Variants in SSH2 observed in about 807,000 individuals in gnomAD.
SSH2 encodes the protein slingshot protein phosphatase 2, also known as protein phosphatase Slingshot homolog 2.
SSH2 carries 37 observed loss-of-function variants against 135.2 expected under a neutral mutation model. That is an observed-to-expected ratio of 0.27 (90% CI 0.21 to 0.36). SSH2 has a LOEUF of 0.36. Ranked by LOEUF, SSH2 falls within the 10% of genes least tolerant of loss-of-function variation. The probability of loss-of-function intolerance (pLI) is 1.00; values close to 1 mark genes in which losing one functional copy is unlikely to be tolerated. For missense variants in SSH2, 1,408 were observed against 1,765.3 expected (o/e 0.80, Z 3.63); for synonymous variants, 628 against 646.2 (o/e 0.97, Z 0.43).
At chr17:29,846,902 G>C (rs1292905005) in intron 2 of SSH2, among the ~76,000 whole-genome samples, 2 of 152,120 alleles carry the variant, frequency 1.3e-5, no homozygotes, top group Admixed American at 6.5e-5. Context: ...ACCTAGTTTT[G>C]GTGACAGCTA....
At chr17:29,907,249 A>C (rs2066670879) in intron 1 of SSH2, among the ~76,000 whole-genome samples, 1 of 152,176 alleles carries the variant, frequency 6.6e-6, no homozygotes, top group South Asian at 2.1e-4. Context: ...TCTTCAGCAA[A>C]GTCACACAGG....
intron 3 of SSH2, among the ~76,000 whole-genome samples, chr17:29,707,320 G>A (rs576723856): frequency 7.9e-5 from 12 of 152,306 alleles, no homozygotes; most frequent in Non-Finnish European, 1.5e-4. Flanking sequence ...TAAGGGTTAA[G>A]GAGCTGGACA....
intron 11 of SSH2, among the ~76,000 whole-genome samples, chr17:29,662,925 G>C (rs1470742357): frequency 6.6e-6 from 1 of 152,194 alleles, no homozygotes; most frequent in African/African-American, 2.4e-5. Context: ...CAATATACTT[G>C]TTTGCCTGCT....
chr17:29,813,398 G>A (rs1351861595), intron 2 of SSH2, among the ~76,000 whole-genome samples: 2 of 151,754 alleles, frequency 1.3e-5, no homozygotes, highest in Non-Finnish European at 2.9e-5. Flanking sequence ...AAGACTAGAA[G>A]CAGATAATTC....
At chr17:29,880,158 A>G (rs566564777) in intron 1 of SSH2, among the ~76,000 whole-genome samples, 42 of 152,312 alleles carry the variant, frequency 2.8e-4, no homozygotes, top group Middle Eastern at 3.4e-3. Flanking sequence ...TCTGCTGAAC[A>G]GTATACAGGA....
intron 1 of SSH2, among the ~76,000 whole-genome samples, chr17:29,902,432 G>T (rs1180809316): frequency 6.6e-6 from 1 of 151,888 alleles, no homozygotes. Flanking sequence ...ACAGTGAAAT[G>T]ATCACTAGCA....
At chr17:29,741,294 C>G (rs2040545200) in intron 3 of SSH2, among the ~76,000 whole-genome samples, 4 of 152,194 alleles carry the variant, frequency 2.6e-5, no homozygotes, top group Admixed American at 2.6e-4. Context: ...CAATCTGTAT[C>G]AAAAGCCCTA....
At chr17:29,681,073 C>T (rs1296536193) in intron 6 of SSH2, among the ~76,000 whole-genome samples, 5 of 151,598 alleles carry the variant, frequency 3.3e-5, no homozygotes, top group South Asian at 2.1e-4. Flanking sequence ...TTCAGCAGGG[C>T]GTGGTGCCTG....
intron 1 of SSH2, among the ~76,000 whole-genome samples, chr17:29,872,753 T>C (rs1233432061): frequency 1.3e-5 from 2 of 152,070 alleles, no homozygotes; most frequent in Admixed American, 1.3e-4. Context: ...TTCCAGCACT[T>C]TGGGAGGCGA....
At chr17:29,677,578 C>A in intron 7 of SSH2, 95 bp downstream of exon 7, 1 of 1,013,610 alleles carries the variant, frequency 9.9e-7, no homozygotes, top group South Asian at 1.3e-5. Context: ...GTTCAGTTGG[C>A]ACACTGGGCC....
At chr17:29,708,335 C>G (rs2151138910) in intron 3 of SSH2, among the ~76,000 whole-genome samples, 1 of 152,252 alleles carries the variant, frequency 6.6e-6, no homozygotes, top group Non-Finnish European at 1.5e-5. Flanking sequence ...CACCTGTAAT[C>G]CCAACACTTT....
At chr17:29,674,855 T>C (rs1271430868) in intron 8 of SSH2, among the ~76,000 whole-genome samples, 3 of 152,210 alleles carry the variant, frequency 2.0e-5, no homozygotes, top group African/African-American at 7.2e-5. Context: ...AGGAAAGTTT[T>C]ATGAATTTGT....
At chr17:29,692,577 T>C (rs2038533897) in intron 5 of SSH2, among the ~76,000 whole-genome samples, 1 of 152,242 alleles carries the variant, frequency 6.6e-6, no homozygotes, top group African/African-American at 2.4e-5. Flanking sequence ...TCCAAGTCTC[T>C]ATGTAGTTAA....
At chr17:29,755,268 T>C (rs2041077076) in intron 3 of SSH2, among the ~76,000 whole-genome samples, 1 of 152,222 alleles carries the variant, frequency 6.6e-6, no homozygotes, top group Non-Finnish European at 1.5e-5. Flanking sequence ...TTTGACCAAA[T>C]GATTCTCTGA....
At chr17:29,807,832 CTTTTTTTTTT>C (rs58284055) in intron 2 of SSH2, among the ~76,000 whole-genome samples, 3 of 94,392 alleles carry the variant, frequency 3.2e-5, no homozygotes, top group African/African-American at 1.2e-4. Context: ...GTTTTGATGG[CTTTTTTTTTT>C]TTTTTTTTTT....
chr17:29,671,754 C>T (rs955569817), intron 9 of SSH2, among the ~76,000 whole-genome samples, 181 bp downstream of exon 9: 29 of 152,224 alleles, frequency 1.9e-4, no homozygotes, highest in Non-Finnish European at 3.4e-4. Context: ...CTTCTCAGGC[C>T]TTTGCAGGCA....
At chr17:29,654,824 A>G (rs986671890) in intron 12 of SSH2, among the ~76,000 whole-genome samples, 3 of 152,280 alleles carry the variant, frequency 2.0e-5, no homozygotes, top group Admixed American at 1.3e-4. Context: ...ACCATAACCT[A>G]CAGTCTTTAA....
chr17:29,779,937 C>G (rs1158194177), intron 3 of SSH2, among the ~76,000 whole-genome samples: 1 of 150,094 alleles, frequency 6.7e-6, no homozygotes, highest in Non-Finnish European at 1.5e-5. Context: ...AAAAAAACAA[C>G]TCTGGCCGGG....
At chr17:29,881,098 T>C (rs959624347) in intron 1 of SSH2, among the ~76,000 whole-genome samples, 5 of 152,242 alleles carry the variant, frequency 3.3e-5, no homozygotes, top group Non-Finnish European at 5.9e-5. Context: ...GAGTAGTATC[T>C]GTGTGCTCCT....
Sources: gnomAD v4.1 joint callset for allele counts (sites outside exome capture counted in the v4.1 genomes callset) on GRCh38, gnomAD v4.1.1 for gene constraint, MANE v1.5 for transcripts, NCBI Gene and HGNC (gene_info 2026-07-23, HGNC 2026-07-21) for gene names.